The following ACVR2A variants were observed in gnomAD, a reference collection of about 807,000 sequenced individuals.
ACVR2A encodes the protein activin receptor type-2A.
A neutral mutation model predicts 61.4 loss-of-function variants in ACVR2A; 7 were observed. The observed-to-expected ratio is 0.11, with a 90% confidence interval of 0.06 to 0.21. The LOEUF is 0.21. Among genes scored for constraint, ACVR2A ranks in the 10% least tolerant of loss-of-function variants. ACVR2A has a pLI of 1.00. For missense variants in ACVR2A, 322 were observed against 621.7 expected, an observed-to-expected ratio of 0.52 and a Z score of 5.13; for synonymous variants, 193 against 208.3, an observed-to-expected ratio of 0.93 and a Z score of 0.63.
intron 1 of ACVR2A, among the ~76,000 whole-genome samples, chr2:147,887,975 T>G (rs1452707999): frequency 6.6e-6 from 1 of 152,204 alleles, no homozygotes; most frequent in Non-Finnish European, 1.5e-5. Context: ...CTACAAGAGC[T>G]GGGCTTTCTG....
Position 147,928,215 on chromosome 2 carries a change from A to G in ACVR2A, c.*941A>G, listed in dbSNP as rs1687552705. On this transcript the variant is annotated 3_prime_UTR_variant, in exon 11 of 11. Transcript: ENST00000241416. The stretch of plus-strand genomic sequence containing the variant: ...GGAATATTTGAAAATTTAAAGCATG[A>G]TTTAAAATTTTTTAAAGTGAGCTGT... The G allele has an allele frequency of 6.6e-6, 1 of 152,304 alleles. No homozygotes were observed. The highest frequency in any genetic ancestry group is 6.6e-5 in the Admixed American group (1 of 15,184). 9.4% of individuals were successfully genotyped at this position (152,304 alleles called of 1,614,324 possible). A position where few individuals can be genotyped will look rare whatever the true frequency, so the allele number is the denominator to read the frequency against.
intron 1 of ACVR2A, among the ~76,000 whole-genome samples, chr2:147,855,992 A>T (rs534154129): frequency 6.6e-6 from 1 of 152,190 alleles, no homozygotes; most frequent in Admixed American, 6.5e-5. Flanking sequence ...AGAAGTAGAA[A>T]CTCAGTGTAT....
chr2:147,916,121 TA>T (rs1687244700), intron 5 of ACVR2A, among the ~76,000 whole-genome samples: 1 of 151,942 alleles, frequency 6.6e-6, no homozygotes, highest in South Asian at 2.1e-4. Flanking sequence ...ACCTAGATTT[TA>T]ACCTTTTTAC....
chr2:147,848,423 C>T (rs935669443), intron 1 of ACVR2A, among the ~76,000 whole-genome samples: 1 of 152,068 alleles, frequency 6.6e-6, no homozygotes, highest in South Asian at 2.1e-4. Flanking sequence ...CAACAGGGGA[C>T]GGGGTGTGCT....
rs543673040 is a variant in ACVR2A, at chr2:147,914,189, A to C, written c.529-1002A>C. Among the ~76,000 whole-genome samples, 15 of 152,066 alleles carry C rather than the reference A, an allele frequency of 9.9e-5. No individual in the cohort carries two copies. In the South Asian group the frequency reaches 1.2e-3, roughly 13 times the overall value. On this transcript the variant is annotated intron_variant, in intron 4 of 10. Transcript: ENST00000241416. ...GTCTGAGGTGCCACCCAGTGTCATC[A>C]TATCAGTTGCTTTTGCCACAGAAAT...
At chr2:147,923,908 T>C (rs1173612857) in intron 9 of ACVR2A, among the ~76,000 whole-genome samples, 5 of 152,092 alleles carry the variant, frequency 3.3e-5, no homozygotes, top group African/African-American at 9.7e-5. Flanking sequence ...ATGTAACCTA[T>C]GTTACTAACA....
At chr2:147,903,834 A>G (rs1045113808) in intron 4 of ACVR2A, among the ~76,000 whole-genome samples, 3 of 151,922 alleles carry the variant, frequency 2.0e-5, no homozygotes, top group Admixed American at 2.0e-4. Context: ...TGAAGATGAG[A>G]TATGTATTGT....
At chr2:147,877,805 T>C (rs1315867033) in intron 1 of ACVR2A, among the ~76,000 whole-genome samples, 1 of 152,212 alleles carries the variant, frequency 6.6e-6, no homozygotes, top group African/African-American at 2.4e-5. Context: ...GCTTTACAGA[T>C]GTTTATATGA....
At chr2:147,875,591 G>C (rs942158796) in intron 1 of ACVR2A, among the ~76,000 whole-genome samples, 3 of 152,026 alleles carry the variant, frequency 2.0e-5, no homozygotes, top group Non-Finnish European at 4.4e-5. Context: ...TCAGCATTTT[G>C]ATGATTTTGA....
At chr2:147,910,342 C>T (rs1312012062) in intron 4 of ACVR2A, among the ~76,000 whole-genome samples, 1 of 152,106 alleles carries the variant, frequency 6.6e-6, no homozygotes, top group Non-Finnish European at 1.5e-5. Context: ...TGTATTTAAA[C>T]AAGATCTGAG....
intron 1 of ACVR2A, among the ~76,000 whole-genome samples, chr2:147,884,064 G>A (rs1484173648): frequency 1.3e-5 from 2 of 152,152 alleles, no homozygotes; most frequent in South Asian, 2.1e-4. Context: ...GAACTATTGT[G>A]TGCATGTTTG....
chr2:147,854,169 A>T (rs546434185), intron 1 of ACVR2A, among the ~76,000 whole-genome samples: 65 of 152,328 alleles, frequency 4.3e-4, no homozygotes, highest in African/African-American at 1.4e-3. Context: ...TGATACAGCC[A>T]AAGAACATAT....
intron 1 of ACVR2A, among the ~76,000 whole-genome samples, chr2:147,848,913 T>C (rs1325944993): frequency 6.6e-6 from 1 of 152,166 alleles, no homozygotes; most frequent in Non-Finnish European, 1.5e-5. Flanking sequence ...AAGTTAGTAA[T>C]CTAAATTTTA....
intron 9 of ACVR2A, among the ~76,000 whole-genome samples, chr2:147,923,842 T>C (rs1327709542): frequency 1.3e-5 from 2 of 152,098 alleles, no homozygotes; most frequent in African/African-American, 2.4e-5. Context: ...GCCTAAAAAC[T>C]TCCTGTGATT....
rs574031189 is a variant in ACVR2A, at chr2:147,930,365, T to G, written c.*3091T>G. The G allele has an allele frequency of 6.4e-4, 97 of 151,724 alleles. No individual in the cohort carries two copies. The highest frequency in any genetic ancestry group is 3.4e-3 in the Middle Eastern group (1 of 294). The allele number at this position is 151,724 out of a possible 1,614,324, so 9.4% of individuals were successfully genotyped here. ...ATTACTGGTTTTTTTGTTTTTTTTT[T>G]TTTTTTTAAAGAAAGAAGCTTCATC... On this transcript the variant is annotated 3_prime_UTR_variant, in exon 11 of 11. Coordinates refer to ENST00000241416, the MANE Select transcript of ACVR2A (RefSeq NM_001616.5).
intron 9 of ACVR2A, among the ~76,000 whole-genome samples, chr2:147,923,953 G>A (rs755239039): frequency 3.3e-5 from 5 of 151,996 alleles, no homozygotes; most frequent in African/African-American, 9.7e-5. Context: ...ATAGGCTCTC[G>A]TTGTAGGACA....
rs781339134 is a variant in ACVR2A at position 147,917,261 on chromosome 2, T to A, written c.673-22T>A. The A allele has an allele frequency of 3.7e-6, 6 of 1,608,492 alleles. No individual in the cohort carries two copies. In the South Asian group the frequency reaches 5.5e-5, roughly 15 times the overall value. On this transcript the variant is annotated intron_variant, in intron 5 of 10. Transcript: ENST00000241416. Reference sequence around the variant, plus strand: ...AAACCTGTATTCCTTGTGTTCTTACTATTCTTTCTTTTTGACTCTAGGACA... The same window carrying A: ...AAACCTGTATTCCTTGTGTTCTTACAATTCTTTCTTTTTGACTCTAGGACA...
At chr2:147,852,051 T>C (rs1344822458) in intron 1 of ACVR2A, among the ~76,000 whole-genome samples, 1 of 152,088 alleles carries the variant, frequency 6.6e-6, no homozygotes, top group Non-Finnish European at 1.5e-5. Flanking sequence ...TTGCTCATTG[T>C]TTTGATATCT....
chr2:147,873,271 T>G (rs1266115102), intron 1 of ACVR2A, among the ~76,000 whole-genome samples: 2 of 151,966 alleles, frequency 1.3e-5, no homozygotes, highest in African/African-American at 4.8e-5. Flanking sequence ...AAATGAAATT[T>G]CAGATTTTCT....
Sources: gnomAD v4.1 joint callset for allele counts (sites outside exome capture counted in the v4.1 genomes callset) on GRCh38, gnomAD v4.1.1 for gene constraint, MANE v1.5 for transcripts, NCBI Gene and HGNC (gene_info 2026-07-23, HGNC 2026-07-21) for gene names.